DENND5B: variants seen among roughly 807,000 people sequenced by gnomAD.
The protein encoded by DENND5B is DENN domain containing 5B, also known as DENN domain-containing protein 5B.
Under a neutral mutation model 140.6 loss-of-function variants are expected in DENND5B, and 34 were observed. The ratio of observed to expected loss-of-function variants is 0.24; its 90% CI spans 0.18 to 0.32. DENND5B has a LOEUF of 0.32. Ranked by LOEUF, DENND5B falls within the 10% of genes least tolerant of loss-of-function variation. The pLI, the probability that DENND5B is intolerant of heterozygous loss-of-function variation, is 1.00. For synonymous variants in DENND5B, 551 were observed against 562.1 expected (o/e 0.98, Z 0.28); for missense variants, 1,142 against 1,560.2 (o/e 0.73, Z 4.52).
rs1950050029 is a variant in DENND5B at position 31,577,389 on chromosome 12, GATTTAAACTTAAAAAT to G, written c.127+13301_127+13316del. Among the ~76,000 whole-genome samples the G allele has an allele frequency of 2.6e-5, 4 of 152,100 alleles. No individual in the cohort carries two copies. In the South Asian group the frequency reaches 6.2e-4, roughly 24 times the overall value. On this transcript the variant is annotated intron_variant, in intron 1 of 20. Coordinates refer to ENST00000389082, the MANE Select transcript of DENND5B (RefSeq NM_144973.4). ...AGGTCTCTGGGAATCTATAAAAATA[GATTTAAACTTAAAAAT>G]ATTTAAACTTAAAAATATCTTTAGG... is the stretch of plus-strand genomic sequence containing the variant.
chr12:31,510,040 T>A (rs1414863746), intron 1 of DENND5B, among the ~76,000 whole-genome samples: 1 of 152,206 alleles, frequency 6.6e-6, no homozygotes, highest in Non-Finnish European at 1.5e-5. Flanking sequence ...CCAAATGACG[T>A]GCAGTTCCCT....
intron 1 of DENND5B, among the ~76,000 whole-genome samples, chr12:31,577,643 A>C (rs1206023169): frequency 2.1e-5 from 3 of 144,328 alleles, no homozygotes; most frequent in African/African-American, 7.6e-5. Flanking sequence ...CCTGGGAGGC[A>C]GAGCTTGCAG....
intron 11 of DENND5B, among the ~76,000 whole-genome samples, chr12:31,421,730 T>G (rs997531564): frequency 1.3e-5 from 2 of 152,122 alleles, no homozygotes; most frequent in Admixed American, 6.5e-5. Context: ...TTTTTAATTT[T>G]TAGTAGAAAC....
At position 31,452,175 on chromosome 12, in the gene DENND5B, C is replaced by T; in HGVS notation, c.1394G>A (p.Gly465Asp). ...GAGGTCCATTTTTTCCACAGCCACA[C>T]CAGTACGCTTGGCCAGAGCCTGCAA... The part of the protein sequence containing the change: ...ARLQALAKRT[G>D]VAVEKMDLSA... The change falls in exon 5 of 21, where the codon GGT becomes GAT. Residue 465 changes from glycine (G) to aspartate (D), a missense_variant. Physicochemically the swap from Gly to Asp is moderately conservative, Grantham distance 94. Transcript: ENST00000389082. The T allele has an allele frequency of 6.2e-7, 1 of 1,614,000 alleles. No individual in the cohort carries two copies. The highest frequency in any genetic ancestry group is 8.5e-7 in the Non-Finnish European group (1 of 1,179,890).
chr12:31,449,044 C>T (rs1018743136), intron 5 of DENND5B, among the ~76,000 whole-genome samples: 1 of 151,888 alleles, frequency 6.6e-6, no homozygotes, highest in Non-Finnish European at 1.5e-5. Flanking sequence ...CATGTGTGTA[C>T]AGGGATTCTA....
chr12:31,568,002 C>T (rs1049748146), intron 1 of DENND5B, among the ~76,000 whole-genome samples: 3 of 152,266 alleles, frequency 2.0e-5, no homozygotes, highest in African/African-American at 7.2e-5. Flanking sequence ...CCACAACTGG[C>T]CTCTTTTCTG....
chr12:31,508,795 G>C (rs1947301425), intron 1 of DENND5B, among the ~76,000 whole-genome samples: 1 of 152,088 alleles, frequency 6.6e-6, no homozygotes, highest in African/African-American at 2.4e-5. Flanking sequence ...TTAAGGTTCT[G>C]CACAGACTGA....
intron 3 of DENND5B, chr12:31,477,827 C>T (rs2138515228): frequency 4.6e-6 from 1 of 215,238 alleles, no homozygotes. Flanking sequence ...TCAGTGAATG[C>T]AAAACTGAAA....
chr12:31,475,145 C>A (rs74651425), intron 3 of DENND5B, among the ~76,000 whole-genome samples: 3 of 152,132 alleles, frequency 2.0e-5, no homozygotes, highest in Non-Finnish European at 4.4e-5. Flanking sequence ...TAACTCACTG[C>A]TGTTGAGAGG....
intron 5 of DENND5B, among the ~76,000 whole-genome samples, chr12:31,449,731 G>T (rs371882549): frequency 3.8e-4 from 34 of 89,930 alleles, no homozygotes; most frequent in Non-Finnish European, 4.9e-4. Context: ...ACACAGATTA[G>T]TTTTTTTTTT....
chr12:31,392,693 G>T lies in DENND5B; in HGVS notation c.3260C>A (p.Pro1087His). Residue 1087 changes from proline (P) to histidine (H), a missense_variant, in exon 18 of 21, where the codon CCC (proline) becomes CAC (histidine). By Grantham distance (77) the Pro-to-His change is moderately conservative. This residue lies in a region of DENND5B where 268 missense variants were observed against 349.2 expected (regional missense o/e 0.77). Coordinates refer to ENST00000389082, the MANE Select transcript of DENND5B (RefSeq NM_144973.4). ...ITSLTGKNNK[P>H]NAGQIQEGIG... The stretch of plus-strand genomic sequence containing the variant: ...TCCTTCTTGTATCTGCCCAGCATTG[G>T]GTTCTGTAAAATAATAAACAGTGGC... 6.4e-7 allele frequency: 1 copy of T among 1,554,266 alleles called. No homozygotes were observed. Among genetic ancestry groups the T allele is most frequent in the Non-Finnish European group, 8.7e-7 (1 of 1,148,086 alleles).
At chr12:31,388,553 T>G (rs1316604552) in intron 20 of DENND5B, among the ~76,000 whole-genome samples, 1 of 152,142 alleles carries the variant, frequency 6.6e-6, no homozygotes, top group African/African-American at 2.4e-5. Context: ...TAAGACATCC[T>G]TATTGAGCAT....
At chr12:31,555,373 T>C (rs1370531556) in intron 1 of DENND5B, among the ~76,000 whole-genome samples, 3 of 152,202 alleles carry the variant, frequency 2.0e-5, no homozygotes, top group African/African-American at 4.8e-5. Context: ...ACAGCGGATA[T>C]TGGTGAACCG....
intron 1 of DENND5B, among the ~76,000 whole-genome samples, chr12:31,566,206 G>T (rs1785164600): frequency 6.6e-6 from 1 of 152,042 alleles, no homozygotes. Context: ...TGTAGTTCCA[G>T]CAACTCAAGA....
intron 7 of DENND5B, among the ~76,000 whole-genome samples, chr12:31,441,351 AATGT>A (rs1018115576): frequency 2.0e-5 from 3 of 151,970 alleles, no homozygotes; most frequent in Non-Finnish European, 2.9e-5. Context: ...TCTCAAAAAA[AATGT>A]ATGTATTTTT....
intron 1 of DENND5B, among the ~76,000 whole-genome samples, chr12:31,535,439 T>C (rs904188046): frequency 6.0e-5 from 9 of 149,764 alleles, no homozygotes; most frequent in East Asian, 2.0e-4. Context: ...TATATACACA[T>C]ACACACACAC....
At chr12:31,462,289 C>T (rs1249770495) in intron 3 of DENND5B, among the ~76,000 whole-genome samples, 1 of 143,334 alleles carries the variant, frequency 7.0e-6, no homozygotes, top group Admixed American at 7.4e-5. Flanking sequence ...GTTCCTACCA[C>T]TCTGCTAGGA....
intron 2 of DENND5B, among the ~76,000 whole-genome samples, chr12:31,493,133 A>G (rs1169943351): frequency 7.1e-6 from 1 of 140,128 alleles, no homozygotes; most frequent in Non-Finnish European, 1.6e-5. Flanking sequence ...TCAGTTACAC[A>G]GTTTTTCTTT....
At chr12:31,453,466 T>G (rs2138146809) in intron 4 of DENND5B, among the ~76,000 whole-genome samples, 1 of 152,346 alleles carries the variant, frequency 6.6e-6, no homozygotes, top group South Asian at 2.1e-4. Flanking sequence ...CAAACAGTAT[T>G]TAACCTCTAC....
Sources: allele counts gnomAD v4.1 joint callset (sites outside exome capture counted in the v4.1 genomes callset), GRCh38; gene constraint gnomAD v4.1.1; regional missense constraint gnomAD v4.1.1; transcripts MANE v1.5; gene names NCBI Gene and HGNC (gene_info 2026-07-23, HGNC 2026-07-21).